Variants in KCP observed in about 807,000 individuals in gnomAD.
KCP encodes the protein kielin/chordin-like protein.
A neutral mutation model predicts 212.7 loss-of-function variants in KCP; 194 were observed. That is an observed-to-expected ratio of 0.91 (90% CI 0.81 to 1.03). The LOEUF (loss-of-function observed/expected upper bound fraction) is 1.03. Ranked by LOEUF, KCP falls within the 50% of genes least tolerant of loss-of-function variation. KCP has a pLI of 0.00. For missense variants in KCP, 2,080 were observed against 2,162.5 expected (o/e 0.96, Z 0.76); for synonymous variants, 833 against 865.3 (o/e 0.96, Z 0.65).
intron 24 of KCP, 39 bp from the exon 25 acceptor site, chr7:128,886,776 A>C (rs1585207423): frequency 6.5e-7 from 1 of 1,532,020 alleles, no homozygotes; most frequent in Non-Finnish European, 8.8e-7. Context: ...GGCCTGTGCC[A>C]CCCTGCCCTG....
Position 128,891,266 on chromosome 7 carries a change from G to A in KCP, c.1891C>T (p.Gln631Ter). The change falls in exon 19 of 40, where the codon CAG becomes TAG. Residue 631 changes from glutamine (Q) to a stop codon, truncating the protein, a stop_gained. Transcript: ENST00000610776. LOFTEE classifies it high-confidence loss of function. ...GGCACGCAGCGGCGGGCCAGGCACTGCACGTTGCCGCTCTACGGACCGACA... is the reference window on the plus strand; with the variant it reads ...GGCACGCAGCGGCGGGCCAGGCACTACACGTTGCCGCTCTACGGACCGACA... ...RLCRCLSGNV[Q>*]CLARRCVPLP... 1 of 1,547,212 alleles carries A rather than the reference G, an allele frequency of 6.5e-7. No homozygotes were observed. Among genetic ancestry groups the A allele is most frequent in the Middle Eastern group, 1.7e-4 (1 of 5,988 alleles).
Position 128,891,204 on chromosome 7 carries a change from C to T in KCP, c.1953G>A (p.Glu651=), listed in dbSNP as rs750946117. The T allele has an allele frequency of 2.6e-6, 4 of 1,544,326 alleles. No individual in the cohort carries two copies. In the African/African-American group the frequency reaches 5.5e-5, roughly 21 times the overall value. ...CCCTACCTGGGCACTGCGGGCAGCA[C>T]TCTCCCGGCAGCAGGACAGGCTCTG... is the stretch of plus-strand genomic sequence containing the variant. ...PCPEPVLLPG[E]CCPQCPAAPA... Residue 651 remains glutamate (E), a synonymous_variant, in exon 19 of 40, where the codon GAG becomes GAA. Coordinates refer to ENST00000610776, the MANE Select transcript of KCP (RefSeq NM_001366122.1).
At chr7:128,889,149 T>A in intron 21 of KCP, 110 bp from the exon 22 acceptor site, 2 of 561,336 alleles carry the variant, frequency 3.6e-6, no homozygotes, top group Non-Finnish European at 2.4e-6. Context: ...CTCAAAGATC[T>A]AGCGTGGGGG....
At position 128,890,382 on chromosome 7, in the gene KCP, G is replaced by C. The variant is rs1215193829; in HGVS notation, c.2296C>G (p.Pro766Ala). Reference sequence around the variant, plus strand: ...CAGCAGTCGCCCCTGGCAGGGAAGGGGCACAGTGCAGGGGCACATGCCTTG... The same window carrying C: ...CAGCAGTCGCCCCTGGCAGGGAAGGCGCACAGTGCAGGGGCACATGCCTTG... Reference protein sequence around the residue: ...EPKACAPALCPFPARGDCCPD... With the variant: ...EPKACAPALCAFPARGDCCPD... The change falls in exon 21 of 40, where the codon CCC becomes GCC. Residue 766 changes from proline (P) to alanine (A), a missense_variant. Physicochemically the swap from Pro to Ala is conservative, Grantham distance 27. Transcript: ENST00000610776. 3.2e-6 allele frequency: 5 copies of C among 1,551,302 alleles called. No individual in the cohort carries two copies.
intron 22 of KCP, 54 bp from the exon 23 acceptor site, chr7:128,887,354 TCACA>T: frequency 2.3e-6 from 3 of 1,289,180 alleles, no homozygotes; most frequent in Non-Finnish European, 3.3e-6. Flanking sequence ...ACCTCCACTG[TCACA>T]CACACACACA....
In KCP at chr7:128,878,596, G is replaced by A; in HGVS notation, c.4273C>T (p.Leu1425Phe). ...QDDLQGPEGL[L>F]LPSEAAFGNS... Reference sequence around the variant, plus strand: ...CCAAACGCAGCCTCCGAGGGCAGGAGCAGCCCCTCAGGGCCCTGCAGATCG... The same window carrying A: ...CCAAACGCAGCCTCCGAGGGCAGGAACAGCCCCTCAGGGCCCTGCAGATCG... The change falls in exon 38 of 40, where the codon CTC becomes TTC. Residue 1425 changes from leucine to phenylalanine, a missense_variant. Physicochemically the swap from Leu to Phe is conservative, Grantham distance 22. Transcript: ENST00000610776. 1 of 1,551,488 alleles carries A rather than the reference G, an allele frequency of 6.4e-7. No homozygotes were observed. Among genetic ancestry groups the A allele is most frequent in the Non-Finnish European group, 8.7e-7 (1 of 1,146,962 alleles).
chr7:128,908,545 G>A lies in KCP; in HGVS notation c.100C>T (p.Pro34Ser), dbSNP rs776362897. ...AEGGAVPREP[P>S]GQQTTAHSSV... ...GAATGGGCAGTTGTCTGCTGCCCAG[G>A]GGGCTCCCTGGGGACAGCCCCACCT... The change falls in exon 2 of 40, where the codon CCT (proline) becomes TCT (serine). Residue 34 changes from proline (P) to serine (S), a missense_variant. Pro to Ser is a moderately conservative substitution (Grantham distance 74). Coordinates refer to ENST00000610776, the MANE Select transcript of KCP (RefSeq NM_001366122.1). 3.9e-6 allele frequency: 6 copies of A among 1,551,282 alleles called. No homozygotes were observed. The highest frequency in any genetic ancestry group is 1.4e-5 in the African/African-American group (1 of 73,168).
Position 128,877,060 on chromosome 7 carries a change from G to A in KCP, c.4870C>T (p.Pro1624Ser), listed in dbSNP as rs1793028435. 3.9e-6 allele frequency: 6 copies of A among 1,529,134 alleles called. No homozygotes were observed. The highest frequency in any genetic ancestry group is 5.3e-6 in the Non-Finnish European group (6 of 1,141,314). The allele number at this position is 1,529,134 out of a possible 1,614,324, so 94.7% of individuals were successfully genotyped here. A position where few individuals can be genotyped will look rare whatever the true frequency, so the allele number is the denominator to read the frequency against. ...GTCCTGGCTCAGGGTGTCTCCTGGG[G>A]CTCCCGGCTGGGGCTGGGCCGAGCA... Reference protein sequence around the residue: ...LGARPSPSREPQETP With the variant: ...LGARPSPSRESQETP Residue 1624 changes from proline to serine, a missense_variant, in exon 40 of 40, where the codon CCC becomes TCC. Physicochemically the swap from Pro to Ser is moderately conservative, Grantham distance 74. Coordinates refer to ENST00000610776, the MANE Select transcript of KCP (RefSeq NM_001366122.1).
intron 5 of KCP, 114 bp from the exon 6 acceptor site, chr7:128,904,252 G>A: frequency 6.5e-7 from 1 of 1,541,106 alleles, no homozygotes. Context: ...TGAAGGGATG[G>A]CGGGGCAGGG....
At chr7:128,894,869 A>G (rs948729913) in intron 8 of KCP, among the ~76,000 whole-genome samples, 3 of 152,156 alleles carry the variant, frequency 2.0e-5, no homozygotes, top group Non-Finnish European at 2.9e-5. Context: ...TGGTCTCCCA[A>G]AGTGCTGGGT....
intron 2 of KCP, 123 bp downstream of exon 2, chr7:128,908,303 A>AAAGAAAGAAAGAAAGG (rs1795261060): frequency 2.8e-6 from 2 of 704,890 alleles, no homozygotes; most frequent in Non-Finnish European, 4.0e-6. Context: ...AGAAAGAAAG[A>AAAGAAAGAAAGAAAGG]AAGGGAATTG....
intron 39 of KCP, 46 bp downstream of exon 39, chr7:128,877,438 T>A (rs1223715302): frequency 3.2e-6 from 5 of 1,544,680 alleles, no homozygotes; most frequent in Non-Finnish European, 3.5e-6. Context: ...GCCCTTCTTC[T>A]CTGTGCTGAG....
rs1794084778 is a variant in KCP, at chr7:128,891,025, G to A, written c.2044C>T (p.Pro682Ser). 1.2e-5 allele frequency: 16 copies of A among 1,349,210 alleles called. No homozygotes were observed. The highest frequency in any genetic ancestry group is 1.1e-4 in the African/African-American group (7 of 64,682). The allele number at this position is 1,349,210 out of a possible 1,614,324, so 83.6% of individuals were successfully genotyped here. ...HARHQEYFSP[P>S]GDPCRRCLCL... ...AGGCAGCGGCGGCAGGGATCGCCGG[G>A]CGGGGAGAAGTACTCCTGGTGGCGG... The change falls in exon 20 of 40, where the codon CCC (proline) becomes TCC (serine). Residue 682 changes from proline (P) to serine (S), a missense_variant. By Grantham distance (74) the Pro-to-Ser change is moderately conservative (BLOSUM62 -1). Transcript: ENST00000610776.
rs1333539129 is a variant in KCP at position 128,879,542 on chromosome 7, G to A, written c.4126C>T (p.His1376Tyr). The A allele has an allele frequency of 6.5e-7, 1 of 1,550,062 alleles. No homozygotes were observed. Among genetic ancestry groups the A allele is most frequent in the Non-Finnish European group, 8.7e-7 (1 of 1,146,856 alleles). Residue 1376 changes from histidine (H) to tyrosine (Y), a missense_variant, in exon 37 of 40, where the codon CAC becomes TAC. Physicochemically the swap from His to Tyr is moderately conservative, Grantham distance 83. Coordinates refer to ENST00000610776, the MANE Select transcript of KCP (RefSeq NM_001366122.1). ...CGCACCTGGAGCCCGGGCTGGGCGTGCAGGATCACAGTGTGTCCTCGCAGC... is the reference window on the plus strand; with the variant it reads ...CGCACCTGGAGCCCGGGCTGGGCGTACAGGATCACAGTGTGTCCTCGCAGC... ...VELRGHTVIL[H>Y]AQPGLQVLWD... is the part of the protein sequence containing the mutation.
chr7:128,908,843 C>T (rs1354706045), intron 1 of KCP, among the ~76,000 whole-genome samples: 2 of 152,228 alleles, frequency 1.3e-5, no homozygotes, highest in Non-Finnish European at 2.9e-5. Flanking sequence ...TCCCCTGACT[C>T]TCTGCACCTG....
chr7:128,891,409 C>T, intron 18 of KCP, 42 bp downstream of exon 18: 1 of 1,547,630 alleles, frequency 6.5e-7, no homozygotes, highest in Non-Finnish European at 8.7e-7. Flanking sequence ...GCAAGTCCCG[C>T]CTCCACTCCC....
rs1278845312 is a variant in KCP at position 128,881,029 on chromosome 7, G to A, written c.3481C>T (p.Pro1161Ser). Residue 1161 changes from proline (P) to serine (S), a missense_variant, in exon 32 of 40, where the codon CCC (proline) becomes TCC (serine). By Grantham distance (74) the Pro-to-Ser change is moderately conservative (BLOSUM62 -1). Coordinates refer to ENST00000610776, the MANE Select transcript of KCP (RefSeq NM_001366122.1). Reference sequence around the variant, plus strand: ...GTGCAGGCGATGCACGCATTGCTGGGGTCCCGCCAGCTCTCTCCATCTGCC... The same window carrying A: ...GTGCAGGCGATGCACGCATTGCTGGAGTCCCGCCAGCTCTCTCCATCTGCC... ...RVADGESWRD[P>S]SNACIACTCH... The A allele has an allele frequency of 5.0e-6, 2 of 398,882 alleles. No individual in the cohort carries two copies. The highest frequency in any genetic ancestry group is 3.6e-5 in the East Asian group (1 of 28,068). 24.7% of individuals were successfully genotyped at this position (398,882 alleles called of 1,614,324 possible). A position where few individuals can be genotyped will look rare whatever the true frequency, so the allele number is the denominator to read the frequency against.
chr7:128,901,249 A>T (rs1794823756), intron 8 of KCP, among the ~76,000 whole-genome samples: 1 of 152,226 alleles, frequency 6.6e-6, no homozygotes. Context: ...TCATCAAGAA[A>T]TAACCATAAA....
At chr7:128,906,761 T>C (rs923976610) in intron 4 of KCP, among the ~76,000 whole-genome samples, 6 of 151,990 alleles carry the variant, frequency 3.9e-5, no homozygotes, top group Non-Finnish European at 8.8e-5. Flanking sequence ...GGAGGTGATA[T>C]AGGAGGACAA....
Sources: gnomAD v4.1 joint callset for allele counts (sites outside exome capture counted in the v4.1 genomes callset) on GRCh38, gnomAD v4.1.1 for gene constraint, MANE v1.5 for transcripts, NCBI Gene and HGNC (gene_info 2026-07-23, HGNC 2026-07-21) for gene names.